Variants in TENM4 observed in about 807,000 individuals in gnomAD.
TENM4 encodes the protein teneurin transmembrane protein 4.
TENM4 carries 82 observed loss-of-function variants against 243.3 expected under a neutral mutation model. The ratio of observed to expected loss-of-function variants is 0.34; its 90% CI spans 0.28 to 0.40. The LOEUF is 0.40. Ranked by LOEUF, TENM4 falls within the 10% of genes least tolerant of loss-of-function variation. The pLI, the probability that TENM4 is intolerant of heterozygous loss-of-function variation, is 1.00. For synonymous variants in TENM4, 1,412 were observed against 1,456.3 expected (o/e 0.97, Z 0.69); for missense variants, 3,138 against 3,673.3 (o/e 0.85, Z 3.77).
Position 78,656,900 on chromosome 11 carries a change from T to C in TENM4, c.*1158A>G. The stretch of plus-strand genomic sequence containing the variant: ...ACTGGTTAGAAGGATGCTTAGCTTA[T>C]GCCTTCCTCTCTTTGGCTGGCTTTT... On this transcript the variant is annotated 3_prime_UTR_variant, in exon 34 of 34. Transcript: ENST00000278550. 1.0e-5 allele frequency: 4 copies of C among 397,552 alleles called. No homozygotes were observed. Among genetic ancestry groups the C allele is most frequent in the Non-Finnish European group, 1.8e-5 (4 of 225,922 alleles). The allele number at this position is 397,552 out of a possible 1,614,324, so 24.6% of individuals were successfully genotyped here.
chr11:78,920,102 T>C (rs960000861), intron 6 of TENM4, among the ~76,000 whole-genome samples: 3 of 152,174 alleles, frequency 2.0e-5, no homozygotes, highest in Non-Finnish European at 4.4e-5. Flanking sequence ...TAGGTGCGAA[T>C]GTTAGTGAAC....
chr11:78,755,617 G>A (rs1856288634), intron 19 of TENM4, among the ~76,000 whole-genome samples: 1 of 152,114 alleles, frequency 6.6e-6, no homozygotes, highest in African/African-American at 2.4e-5. Flanking sequence ...ACTGTGGTGT[G>A]TCCCTTTATC....
At chr11:78,712,360 C>G (rs11237593) in intron 26 of TENM4, 122 bp downstream of exon 26, 36,746 of 785,334 alleles carry the variant, frequency 0.047, 1,957 homozygotes, top group East Asian at 0.22. Flanking sequence ...CAGTTTTTAC[C>G]ATCCTCCATA....
intron 6 of TENM4, among the ~76,000 whole-genome samples, chr11:78,978,455 A>G (rs1857716997): frequency 6.6e-6 from 1 of 152,190 alleles, no homozygotes; most frequent in African/African-American, 2.4e-5. Flanking sequence ...CAAGGTAGGT[A>G]TTATTGTTTC....
chr11:78,926,141 T>A (rs912825816), intron 6 of TENM4, among the ~76,000 whole-genome samples: 5 of 152,012 alleles, frequency 3.3e-5, no homozygotes, highest in Admixed American at 3.3e-4. Flanking sequence ...AATTAATAAA[T>A]GAAAAATAGC....
At chr11:78,876,374 T>C (rs1390182256) in intron 9 of TENM4, among the ~76,000 whole-genome samples, 1 of 152,208 alleles carries the variant, frequency 6.6e-6, no homozygotes, top group Non-Finnish European at 1.5e-5. Flanking sequence ...TTGAGGCCCA[T>C]AGATAGGTAA....
chr11:78,815,964 C>G (rs1242025927), intron 12 of TENM4, among the ~76,000 whole-genome samples: 6 of 152,198 alleles, frequency 3.9e-5, no homozygotes, highest in African/African-American at 1.4e-4. Flanking sequence ...TATTCCACAG[C>G]AGAATCTGGG....
intron 6 of TENM4, among the ~76,000 whole-genome samples, chr11:78,970,716 C>G (rs1284631969): frequency 1.3e-5 from 2 of 152,132 alleles, no homozygotes; most frequent in Admixed American, 1.3e-4. Context: ...TAGCTGTAGT[C>G]TACACCTCAA....
intron 3 of TENM4, among the ~76,000 whole-genome samples, chr11:79,167,282 T>G (rs1226514870): frequency 1.3e-5 from 2 of 152,146 alleles, no homozygotes; most frequent in Admixed American, 6.5e-5. Context: ...AATGGCCTGG[T>G]CTTTGTGACA....
chr11:79,298,317 C>G (rs1031029862), intron 1 of TENM4, among the ~76,000 whole-genome samples: 5 of 151,650 alleles, frequency 3.3e-5, no homozygotes, highest in African/African-American at 1.2e-4. Context: ...AGATCGAGAC[C>G]ATCCTGGCTA....
At chr11:78,813,549 A>G (rs1857542950) in intron 13 of TENM4, among the ~76,000 whole-genome samples, 1 of 152,226 alleles carries the variant, frequency 6.6e-6, no homozygotes, top group South Asian at 2.1e-4. Context: ...GCAAATGGCT[A>G]CTGAATAAGG....
intron 3 of TENM4, among the ~76,000 whole-genome samples, chr11:79,152,422 T>C (rs1201818997): frequency 6.6e-6 from 1 of 152,210 alleles, no homozygotes; most frequent in East Asian, 1.9e-4. Flanking sequence ...GCATTTTCCC[T>C]GTTCCCTCCT....
intron 6 of TENM4, among the ~76,000 whole-genome samples, chr11:79,041,472 C>T (rs1859527288): frequency 7.0e-6 from 1 of 143,280 alleles, no homozygotes; most frequent in Non-Finnish European, 1.5e-5. Context: ...CTTAACACAA[C>T]TCTTGGCACA....
chr11:78,927,628 T>C (rs888508223), intron 6 of TENM4, among the ~76,000 whole-genome samples: 1 of 152,176 alleles, frequency 6.6e-6, no homozygotes, highest in Non-Finnish European at 1.5e-5. Context: ...CTCAAAGCGC[T>C]TATTCAACCC....
chr11:78,813,411 T>C (rs1036349553), intron 13 of TENM4, among the ~76,000 whole-genome samples: 9 of 152,230 alleles, frequency 5.9e-5, no homozygotes, highest in Non-Finnish European at 8.8e-5. Flanking sequence ...AACTGTGTTA[T>C]AGCGTATTTC....
chr11:79,320,237 G>A (rs1219980958), intron 1 of TENM4, among the ~76,000 whole-genome samples: 1 of 152,156 alleles, frequency 6.6e-6, no homozygotes, highest in Non-Finnish European at 1.5e-5. Flanking sequence ...CAAGATCCCT[G>A]AGCTGTGCAT....
chr11:78,711,940 A>G (rs1402036289), intron 26 of TENM4, among the ~76,000 whole-genome samples: 1 of 152,206 alleles, frequency 6.6e-6, no homozygotes, highest in East Asian at 1.9e-4. Flanking sequence ...GAATAAGCGA[A>G]TAACAAATTG....
At chr11:79,312,013 G>A (rs1213655596) in intron 1 of TENM4, among the ~76,000 whole-genome samples, 1 of 152,190 alleles carries the variant, frequency 6.6e-6, no homozygotes, top group African/African-American at 2.4e-5. Flanking sequence ...GAGCCTCCAA[G>A]GCAGGGCTGG....
intron 1 of TENM4, among the ~76,000 whole-genome samples, chr11:79,434,003 C>T (rs1413311450): frequency 6.6e-6 from 1 of 152,160 alleles, no homozygotes; most frequent in Non-Finnish European, 1.5e-5. Flanking sequence ...ATGGGGGCAC[C>T]TTGGAAATGG....
Sources: allele counts gnomAD v4.1 joint callset (sites outside exome capture counted in the v4.1 genomes callset), GRCh38; gene constraint gnomAD v4.1.1; transcripts MANE v1.5; gene names NCBI Gene and HGNC (gene_info 2026-07-23, HGNC 2026-07-21).